KATNBL1: variants seen among roughly 807,000 people sequenced by gnomAD.
KATNBL1 encodes KATNB1-like protein 1.
A neutral mutation model predicts 44.7 loss-of-function variants in KATNBL1; 28 were observed. The observed-to-expected ratio is 0.63, with a 90% CI of 0.46 to 0.86. The LOEUF is 0.86. Among genes scored for constraint, KATNBL1 ranks in the 40% least tolerant of loss-of-function variants. The pLI, the probability that KATNBL1 is intolerant of heterozygous loss-of-function variation, is 0.00. For synonymous variants in KATNBL1, 78 were observed against 114.9 expected (o/e 0.68, Z 2.06); for missense variants, 272 against 350.7 (o/e 0.78, Z 1.79).
intron 1 of KATNBL1, among the ~76,000 whole-genome samples, chr15:34,175,954 T>C (rs893467263): frequency 6.6e-6 from 1 of 152,176 alleles, no homozygotes; most frequent in Non-Finnish European, 1.5e-5. Context: ...CTGACAAAGA[T>C]ATGTATGCAA....
chr15:34,169,521 GCTGGTACCATTCCTT>G (rs1889092425), intron 1 of KATNBL1, among the ~76,000 whole-genome samples: 1 of 152,170 alleles, frequency 6.6e-6, no homozygotes, highest in Non-Finnish European at 1.5e-5. Context: ...ACAAAGAGGA[GCTGGTACCATTCCTT>G]CTGAAACTAT....
At chr15:34,171,544 T>C (rs1889159293) in intron 1 of KATNBL1, among the ~76,000 whole-genome samples, 1 of 152,224 alleles carries the variant, frequency 6.6e-6, no homozygotes, top group Admixed American at 6.5e-5. Flanking sequence ...CTCAAGGATC[T>C]AGAACTAGAA....
At chr15:34,156,716 A>C (rs1005567094) in intron 2 of KATNBL1, among the ~76,000 whole-genome samples, 1 of 152,206 alleles carries the variant, frequency 6.6e-6, no homozygotes, top group Non-Finnish European at 1.5e-5. Flanking sequence ...CTGAAACCTC[A>C]GCCCCCATAT....
At chr15:34,190,586 T>C (rs1299008224) in intron 1 of KATNBL1, among the ~76,000 whole-genome samples, 2 of 152,204 alleles carry the variant, frequency 1.3e-5, no homozygotes, top group Non-Finnish European at 2.9e-5. Flanking sequence ...CCAGATATGG[T>C]TCCTCAATTT....
At chr15:34,174,353 G>A (rs975922152) in intron 1 of KATNBL1, among the ~76,000 whole-genome samples, 6 of 152,110 alleles carry the variant, frequency 3.9e-5, no homozygotes, top group Non-Finnish European at 4.4e-5. Flanking sequence ...AATGAGAAAC[G>A]TGTTTACGTA....
intron 1 of KATNBL1, among the ~76,000 whole-genome samples, chr15:34,191,406 C>T (rs1265733279): frequency 6.6e-6 from 1 of 151,856 alleles, no homozygotes; most frequent in African/African-American, 2.4e-5. Flanking sequence ...GTCATGTAAA[C>T]TTGTATGAAC....
intron 1 of KATNBL1, among the ~76,000 whole-genome samples, chr15:34,186,911 A>G (rs996939308): frequency 1.4e-4 from 21 of 152,202 alleles, no homozygotes; most frequent in African/African-American, 4.1e-4. Context: ...AAGGACAAGA[A>G]TGGGGACTCG....
At chr15:34,186,597 G>T (rs992186113) in intron 1 of KATNBL1, among the ~76,000 whole-genome samples, 3 of 152,216 alleles carry the variant, frequency 2.0e-5, no homozygotes, top group African/African-American at 7.2e-5. Context: ...CCCCTGTGCA[G>T]CTGTGGCTGC....
At chr15:34,185,812 G>C (rs1889699851) in intron 1 of KATNBL1, among the ~76,000 whole-genome samples, 2 of 152,182 alleles carry the variant, frequency 1.3e-5, no homozygotes, top group South Asian at 4.1e-4. Flanking sequence ...TTAGGGAGGG[G>C]TAAGAAAGAA....
intron 1 of KATNBL1, among the ~76,000 whole-genome samples, chr15:34,173,696 A>C (rs1326872735): frequency 6.6e-6 from 1 of 152,212 alleles, no homozygotes; most frequent in Non-Finnish European, 1.5e-5. Context: ...CATAAGGAAA[A>C]AAGTATCCAC....
chr15:34,192,091 T>C (rs2140986820), intron 1 of KATNBL1, among the ~76,000 whole-genome samples: 1 of 152,082 alleles, frequency 6.6e-6, no homozygotes. Flanking sequence ...TATTATACTA[T>C]CCTCTCTGCT....
At chr15:34,178,755 CAAAAAAAAA>C (rs59061813) in intron 1 of KATNBL1, among the ~76,000 whole-genome samples, 1 of 122,680 alleles carries the variant, frequency 8.2e-6, no homozygotes, top group Non-Finnish European at 1.7e-5. Flanking sequence ...GACTCTGTCT[CAAAAAAAAA>C]AAAAAAAAAA....
At chr15:34,181,570 A>ATG (rs1889527050) in intron 1 of KATNBL1, among the ~76,000 whole-genome samples, 1 of 142,234 alleles carries the variant, frequency 7.0e-6, no homozygotes, top group Non-Finnish European at 1.5e-5. Context: ...CCATATATAT[A>ATG]TCCATATATA....
At chr15:34,189,387 G>C (rs535850289) in intron 1 of KATNBL1, among the ~76,000 whole-genome samples, 1 of 152,182 alleles carries the variant, frequency 6.6e-6, no homozygotes, top group African/African-American at 2.4e-5. Flanking sequence ...ACACCACCTC[G>C]CATTTGATAA....
chr15:34,142,470 C>G, intron 9 of KATNBL1, 99 bp from the exon 10 acceptor site: 1 of 1,299,456 alleles, frequency 7.7e-7, no homozygotes, highest in Admixed American at 2.7e-5. Flanking sequence ...CCTTAGTTTC[C>G]TTTTGTGACC....
chr15:34,168,649 C>T (rs1889059422), intron 1 of KATNBL1, among the ~76,000 whole-genome samples: 1 of 152,168 alleles, frequency 6.6e-6, no homozygotes, highest in Non-Finnish European at 1.5e-5. Flanking sequence ...CTTCTCAGCA[C>T]CACATCGCAC....
At chr15:34,209,513 T>C (rs1890376118) in intron 1 of KATNBL1, 1 of 152,158 alleles carries the variant, frequency 6.6e-6, no homozygotes, top group South Asian at 2.1e-4. Flanking sequence ...AAACAAAAGC[T>C]CATCCGTCAG....
At chr15:34,163,478 T>A in intron 2 of KATNBL1, 82 bp downstream of exon 2, 2 of 1,471,258 alleles carry the variant, frequency 1.4e-6, no homozygotes, top group Non-Finnish European at 1.8e-6. Context: ...ATCCTCCCAT[T>A]GTTTAAACAA....
In KATNBL1 at chr15:34,141,944, T is replaced by C. The variant is rs1417378819; in HGVS notation, c.*395A>G. 1 of 156,458 alleles carries C rather than the reference T, an allele frequency of 6.4e-6. No homozygotes were observed. The highest frequency in any genetic ancestry group is 1.4e-5 in the Non-Finnish European group (1 of 70,826). 9.7% of individuals were successfully genotyped at this position (156,458 alleles called of 1,614,324 possible). A position where few individuals can be genotyped will look rare whatever the true frequency, so the allele number is the denominator to read the frequency against. On this transcript the variant is annotated 3_prime_UTR_variant, in exon 10 of 10. Transcript: ENST00000256544. Reference sequence around the variant, plus strand: ...TAAAACACAATCTTAAAAAAGTTAATGATGATTGGTCTTGGTGGTTCCTAG... The same window carrying C: ...TAAAACACAATCTTAAAAAAGTTAACGATGATTGGTCTTGGTGGTTCCTAG...
Sources: gnomAD v4.1 joint callset for allele counts (sites outside exome capture counted in the v4.1 genomes callset) on GRCh38, gnomAD v4.1.1 for gene constraint, MANE v1.5 for transcripts, NCBI Gene and HGNC (gene_info 2026-07-23, HGNC 2026-07-21) for gene names.